BSN: variants seen among roughly 807,000 people sequenced by gnomAD.
BSN encodes bassoon presynaptic cytomatrix protein, also known as protein bassoon.
In BSN, 57 loss-of-function variants were observed where a neutral mutation model predicts 264.8. The observed-to-expected ratio is 0.22, with a 90% CI of 0.17 to 0.27. BSN has a LOEUF of 0.27. BSN is among the 10% of genes least tolerant of loss of function. The pLI, the probability that BSN is intolerant of heterozygous loss-of-function variation, is 1.00. For synonymous variants in BSN, 2,059 were observed against 2,137.3 expected, an observed-to-expected ratio of 0.96 and a Z score of 1.01; for missense variants, 4,615 against 5,232.5, an observed-to-expected ratio of 0.88 and a Z score of 3.64.
intron 2 of BSN, among the ~76,000 whole-genome samples, chr3:49,640,224 A>G (rs561866406): frequency 6.6e-6 from 1 of 152,292 alleles, no homozygotes; most frequent in East Asian, 1.9e-4. Context: ...TGAGGCACCA[A>G]ATCTCGGGGC....
rs1250657069 is a variant in BSN at position 49,668,771 on chromosome 3, C to T, written c.*1286C>T. 1.3e-5 allele frequency: 2 copies of T among 152,638 alleles called. No individual in the cohort carries two copies. The highest frequency in any genetic ancestry group is 4.8e-5 in the African/African-American group (2 of 41,458). 9.5% of individuals were successfully genotyped at this position (152,638 alleles called of 1,614,324 possible). On this transcript the variant is annotated 3_prime_UTR_variant, in exon 12 of 12. Transcript: ENST00000296452. ...CCATCCGGTGGACTGGGCAGCATTC[C>T]TCCCCAGGGCTCTTCCCTTGGGGGC...
At chr3:49,555,694 CTG>C (rs1211960492) in intron 1 of BSN, among the ~76,000 whole-genome samples, 1 of 152,188 alleles carries the variant, frequency 6.6e-6, no homozygotes, top group African/African-American at 2.4e-5. Context: ...AGTCAGTAGA[CTG>C]AAAACTCAGG....
chr3:49,660,846 C>G lies in BSN; in HGVS notation c.9001C>G (p.Pro3001Ala). 6.2e-7 allele frequency: 1 copy of G among 1,613,294 alleles called. No homozygotes were observed. Among genetic ancestry groups the G allele is most frequent in the Non-Finnish European group, 8.5e-7 (1 of 1,180,024 alleles). The change falls in exon 6 of 12, where the codon CCC (proline) becomes GCC (alanine). Residue 3001 changes from proline to alanine, a missense_variant. This residue lies in a region of BSN where 3,415 missense variants were observed against 3,866.4 expected (regional missense o/e 0.88). Coordinates refer to ENST00000296452, the MANE Select transcript of BSN (RefSeq NM_003458.4). The surrounding 1 kb of genome is among the most constrained non-coding windows in gnomAD (Gnocchi z 7.1). Reference protein sequence around the residue: ...AKDRGGRDYPPLRGLGEHRDY... With the variant: ...AKDRGGRDYPALRGLGEHRDY... The stretch of plus-strand genomic sequence containing the variant: ...AGACCGGGGTGGCCGTGACTACCCA[C>G]CCTTGCGTGGTCTTGGCGAGCATCG...
At chr3:49,664,776 T>G (rs772793557) in intron 9 of BSN, 23 bp from the exon 10 acceptor site, 1 of 1,613,868 alleles carries the variant, frequency 6.2e-7, no homozygotes, top group South Asian at 1.1e-5. Flanking sequence ...TCCTGATGGC[T>G]CTCTCCTCTT....
rs1039715104 is a variant in BSN at position 49,642,120 on chromosome 3, C to T, written c.634-148C>T. The T allele has an allele frequency of 3.4e-6, 2 of 585,578 alleles. No homozygotes were observed. Among genetic ancestry groups the T allele is most frequent in the East Asian group, 3.4e-5 (1 of 29,470 alleles). The allele number at this position is 585,578 out of a possible 1,614,324, so 36.3% of individuals were successfully genotyped here. On this transcript the variant is annotated intron_variant, in intron 2 of 11. Transcript: ENST00000296452. This position sits in a 1 kb window ranked among gnomAD's most constrained non-coding sequence, Gnocchi z 7.0. ...AGTGCCATCTGTCCTTCAGCCCTGC[C>T]ACCTGGCAGCCCAGAAATGCCTGAG...
intron 1 of BSN, among the ~76,000 whole-genome samples, chr3:49,623,075 A>C (rs147519814): frequency 6.6e-6 from 1 of 152,190 alleles, no homozygotes; most frequent in South Asian, 2.1e-4. Flanking sequence ...AGGATTGCAG[A>C]GTATCTTGGG....
At position 49,655,718 on chromosome 3, in the gene BSN, C is replaced by G; in HGVS notation, c.6162C>G (p.His2054Gln). The change falls in exon 5 of 12, where the codon CAC (histidine) becomes CAG (glutamine). Residue 2054 changes from histidine to glutamine, a missense_variant. Transcript: ENST00000296452. ...GTCATCCTACAGACCTTTTGGCTCA[C>G]CCGCTTCCCATGCGGCGCTATAGCT... ...DLRHPTDLLAHPLPMRRYSSV... is the reference protein window; with the variant it reads ...DLRHPTDLLAQPLPMRRYSSV... 6.2e-7 allele frequency: 1 copy of G among 1,613,550 alleles called. No homozygotes were observed. Among genetic ancestry groups the G allele is most frequent in the Non-Finnish European group, 8.5e-7 (1 of 1,180,044 alleles).
At chr3:49,588,154 T>G (rs1355565607) in intron 1 of BSN, among the ~76,000 whole-genome samples, 2 of 152,028 alleles carry the variant, frequency 1.3e-5, no homozygotes, top group Non-Finnish European at 2.9e-5. Flanking sequence ...ACTCCTGACC[T>G]TAGGTAATCT....
chr3:49,661,052 G>T lies in BSN; in HGVS notation c.9207G>T (p.Gly3069=), dbSNP rs764149114. 46 of 1,611,382 alleles carry T rather than the reference G, an allele frequency of 2.9e-5. No homozygotes were observed. Among genetic ancestry groups the T allele is most frequent in the Non-Finnish European group, 3.7e-5 (44 of 1,179,864 alleles). The stretch of plus-strand genomic sequence containing the variant: ...CACAGTATTCTGCAGGCAGTGGTGG[G>T]CCAACTCAGAACGGATTCCCAGCCC... The part of the protein sequence containing the change: ...PAPQYSAGSG[G]PTQNGFPAHQ... The change falls in exon 6 of 12, where the codon GGG becomes GGT. Residue 3069 remains glycine (G), a synonymous_variant. Transcript: ENST00000296452.
Position 49,655,968 on chromosome 3 carries a change from C to T in BSN, c.6412C>T (p.Pro2138Ser), listed in dbSNP as rs1273085375. ...CCAGCACGGGCCCGGGCTCAGTGCT[C>T]CACAGAGTCTGGTTCCCCTCAGACC... The part of the protein sequence containing the change: ...QPQHGPGLSA[P>S]QSLVPLRPGL... The change falls in exon 5 of 12, where the codon CCA (proline) becomes TCA (serine). Residue 2138 changes from proline to serine, a missense_variant. By Grantham distance (74) the Pro-to-Ser change is moderately conservative (BLOSUM62 -1). Coordinates refer to ENST00000296452, the MANE Select transcript of BSN (RefSeq NM_003458.4). The T allele has an allele frequency of 1.9e-6, 3 of 1,609,682 alleles. No individual in the cohort carries two copies. The highest frequency in any genetic ancestry group is 2.2e-5 in the East Asian group (1 of 44,852).
In BSN at chr3:49,652,354, C is replaced by T; in HGVS notation, c.2798C>T (p.Thr933Ile). Residue 933 changes from threonine to isoleucine, a missense_variant, in exon 5 of 12, where the codon ACC (threonine) becomes ATC (isoleucine). Around this residue, in one of 3 missense-constraint regions of BSN, gnomAD observed 1,197 missense variants for 1,348.0 expected, o/e 0.89. Coordinates refer to ENST00000296452, the MANE Select transcript of BSN (RefSeq NM_003458.4). ...CAGGGTGGGCTCCGTCGCTTCAAGA[C>T]CATTGAGCTCAACAGCACGGGAAGT... The part of the protein sequence containing the change: ...TLQGGLRRFK[T>I]IELNSTGSYG... The T allele has an allele frequency of 6.2e-7, 1 of 1,606,414 alleles. No homozygotes were observed. The highest frequency in any genetic ancestry group is 8.5e-7 in the Non-Finnish European group (1 of 1,176,102).
chr3:49,573,270 A>AG (rs1222078144), intron 1 of BSN, among the ~76,000 whole-genome samples: 2 of 152,150 alleles, frequency 1.3e-5, no homozygotes, highest in African/African-American at 2.4e-5. Flanking sequence ...TGGGGAGGAA[A>AG]GGGGGGTCAA....
Position 49,650,717 on chromosome 3 carries a change from G to A in BSN, c.1624G>A (p.Gly542Arg). 6.2e-7 allele frequency: 1 copy of A among 1,613,248 alleles called. No homozygotes were observed. Among genetic ancestry groups the A allele is most frequent in the Non-Finnish European group, 8.5e-7 (1 of 1,179,868 alleles). The change falls in exon 4 of 12, where the codon GGG (glycine) becomes AGG (arginine). Residue 542 changes from glycine to arginine, a missense_variant. Gly to Arg is a moderately radical substitution (Grantham distance 125). Transcript: ENST00000296452. ...GCCCACCTCACAGCAGCCCCCTGTA[G>A]GGGCCCCTCACCGTGCATCTGGAAC... ...PPPTSQQPPV[G>R]APHRASGTSP...
chr3:49,613,138 A>AAAC (rs113782620), intron 1 of BSN, among the ~76,000 whole-genome samples: 4 of 152,122 alleles, frequency 2.6e-5, no homozygotes, highest in Admixed American at 1.3e-4. Context: ...CATCTAAAGA[A>AAAC]AACAACAACA....
intron 1 of BSN, among the ~76,000 whole-genome samples, chr3:49,605,871 T>TA (rs1491409270): frequency 2.6e-3 from 126 of 49,058 alleles, no homozygotes; most frequent in Non-Finnish European, 4.2e-3. Context: ...TTTATATCTA[T>TA]TTATATATAG....
At chr3:49,580,835 A>C (rs551566370) in intron 1 of BSN, among the ~76,000 whole-genome samples, 2 of 152,228 alleles carry the variant, frequency 1.3e-5, no homozygotes, top group African/African-American at 4.8e-5. Context: ...TTAAGTGTAC[A>C]ATTTAGTGGC....
chr3:49,658,080 C>A lies in BSN; in HGVS notation c.8524C>A (p.Pro2842Thr). ...TCTCCGCCAGCAGACGCTGCCTCGCCCCATGAAGACCCTGCAGCGGTCCCT... is the reference window on the plus strand; with the variant it reads ...TCTCCGCCAGCAGACGCTGCCTCGCACCATGAAGACCCTGCAGCGGTCCCT... ...SALRQQTLPRPMKTLQRSLSD... is the reference protein window; with the variant it reads ...SALRQQTLPRTMKTLQRSLSD... The change falls in exon 5 of 12, where the codon CCC becomes ACC. Residue 2842 changes from proline to threonine, a missense_variant. Pro to Thr is a conservative substitution (Grantham distance 38). Transcript: ENST00000296452. 6.2e-7 allele frequency: 1 copy of A among 1,613,358 alleles called. No individual in the cohort carries two copies. Among genetic ancestry groups the A allele is most frequent in the Middle Eastern group, 1.7e-4 (1 of 6,058 alleles).
intron 3 of BSN, among the ~76,000 whole-genome samples, chr3:49,648,454 C>A (rs1411043680): frequency 6.6e-6 from 1 of 152,196 alleles, no homozygotes; most frequent in Non-Finnish European, 1.5e-5. Flanking sequence ...ATTTCCAGAG[C>A]TCTCTCTCTT....
chr3:49,639,885 G>T (rs759336433), intron 2 of BSN, among the ~76,000 whole-genome samples: 1 of 152,242 alleles, frequency 6.6e-6, no homozygotes, highest in African/African-American at 2.4e-5. Flanking sequence ...TGTGGTGCTT[G>T]GCACAAGGGG....
Sources: allele counts gnomAD v4.1 joint callset (sites outside exome capture counted in the v4.1 genomes callset), GRCh38; gene constraint gnomAD v4.1.1; regional missense constraint gnomAD v4.1.1; non-coding constraint Gnocchi (gnomAD v3.1); transcripts MANE v1.5; gene names NCBI Gene and HGNC (gene_info 2026-07-23, HGNC 2026-07-21).